HMOX2: variants seen among roughly 807,000 people sequenced by gnomAD.
The protein encoded by HMOX2 is heme oxygenase 2.
A neutral mutation model predicts 33.7 loss-of-function variants in HMOX2; 30 were observed. That is an observed-to-expected ratio of 0.89 (90% CI 0.67 to 1.21). HMOX2 has a LOEUF of 1.21. Among genes scored for constraint, HMOX2 ranks in the 50% most tolerant of loss-of-function variants. HMOX2 has a pLI of 0.00. For missense variants in HMOX2, 403 were observed against 399.1 expected, an observed-to-expected ratio of 1.01 and a Z score of -0.08; for synonymous variants, 155 against 155.0, an observed-to-expected ratio of 1.00 and a Z score of 0.00.
chr16:4,485,613 CCTT>C (rs1286544765), intron 1 of HMOX2, among the ~76,000 whole-genome samples: 1 of 152,122 alleles, frequency 6.6e-6, no homozygotes, highest in Non-Finnish European at 1.5e-5. Context: ...AAGAAGAAAC[CCTT>C]CTTAGAGCAC....
Position 4,509,435 on chromosome 16 carries a change from C to T in HMOX2, c.720C>T (p.Ala240=), listed in dbSNP as rs762315497. 26 of 1,613,860 alleles carry T rather than the reference C, an allele frequency of 1.6e-5. No individual in the cohort carries two copies. Among genetic ancestry groups the T allele is most frequent in the African/African-American group, 1.6e-4 (12 of 74,856 alleles). ...AGATATTCAATGAACTGGACCAGGC[C>T]GGCTCCACACTGGCCAGAGAGACCT... ...NMQIFNELDQ[A]GSTLARETLE... is the part of the protein sequence containing the mutation. The change falls in exon 5 of 6, where the codon GCC becomes GCT. Residue 240 remains alanine (A), a synonymous_variant. Transcript: ENST00000570646.
At chr16:4,502,338 A>G (rs898332502) in intron 1 of HMOX2, among the ~76,000 whole-genome samples, 4 of 152,244 alleles carry the variant, frequency 2.6e-5, no homozygotes, top group Non-Finnish European at 5.9e-5. Context: ...AGATTTAATC[A>G]CGTTCCCTAT....
intron 1 of HMOX2, among the ~76,000 whole-genome samples, chr16:4,485,647 T>A (rs1259577381): frequency 6.6e-6 from 1 of 152,122 alleles, no homozygotes; most frequent in African/African-American, 2.4e-5. Flanking sequence ...ACTGAAAACT[T>A]TACCCATAAA....
In HMOX2 at chr16:4,508,063, G is replaced by T. The variant is rs2404579; in HGVS notation, c.555G>T (p.Gln185His). The change falls in exon 4 of 6, where the codon CAG becomes CAT. Residue 185 changes from glutamine to histidine, a missense_variant. By Grantham distance (24) the Gln-to-His change is conservative. Transcript: ENST00000570646. The part of the protein sequence containing the change: ...LKLPSTGEGT[Q>H]FYLFENVDNA... ...TCCCCAGCACAGGGGAAGGGACCCA[G>T]TTCTACCTGTTTGAGAATGTGGACA... The T allele has an allele frequency of 1.5e-5, 24 of 1,614,040 alleles. No individual in the cohort carries two copies. Among genetic ancestry groups the T allele is most frequent in the Middle Eastern group, 1.6e-4 (1 of 6,084 alleles).
At chr16:4,506,844 G>A in intron 2 of HMOX2, 51 bp from the exon 3 acceptor site, 3 of 1,352,700 alleles carry the variant, frequency 2.2e-6, no homozygotes, top group Non-Finnish European at 3.2e-6. Context: ...GTCCTTTCTG[G>A]AAAGCTGGGA....
intron 1 of HMOX2, among the ~76,000 whole-genome samples, chr16:4,478,193 A>T (rs919622333): frequency 6.6e-6 from 1 of 152,158 alleles, no homozygotes; most frequent in Non-Finnish European, 1.5e-5. Context: ...CAACATGTTG[A>T]AGTGCTGTGA....
intron 1 of HMOX2, among the ~76,000 whole-genome samples, chr16:4,501,369 A>G (rs899495132): frequency 6.6e-6 from 1 of 152,144 alleles, no homozygotes; most frequent in Admixed American, 6.5e-5. Flanking sequence ...CCATGCATGA[A>G]CACAGCTTAT....
chr16:4,487,527 G>A (rs1161260293), intron 1 of HMOX2, among the ~76,000 whole-genome samples: 1 of 151,140 alleles, frequency 6.6e-6, no homozygotes, highest in East Asian at 1.9e-4. Flanking sequence ...AAAATTGCTG[G>A]GCGCAGTGGC....
At chr16:4,489,838 C>G (rs2058263316) in intron 1 of HMOX2, among the ~76,000 whole-genome samples, 1 of 152,120 alleles carries the variant, frequency 6.6e-6, no homozygotes, top group Admixed American at 6.6e-5. Flanking sequence ...TCTGAAACTC[C>G]TGGCCTCAGT....
At chr16:4,492,220 G>C (rs1366374220) in intron 1 of HMOX2, among the ~76,000 whole-genome samples, 1 of 151,852 alleles carries the variant, frequency 6.6e-6, no homozygotes, top group African/African-American at 2.4e-5. Flanking sequence ...TGTAGTCCTA[G>C]CTACTTGGAA....
intron 1 of HMOX2, among the ~76,000 whole-genome samples, chr16:4,476,853 G>A (rs2057862128): frequency 6.6e-6 from 1 of 152,224 alleles, no homozygotes. Context: ...GACCCCCGGG[G>A]TCGTAGCTGG....
At chr16:4,487,795 A>C (rs2058209094) in intron 1 of HMOX2, among the ~76,000 whole-genome samples, 2 of 149,096 alleles carry the variant, frequency 1.3e-5, no homozygotes, top group South Asian at 4.3e-4. Flanking sequence ...CTCAAAAAAA[A>C]AAAAAATTAG....
At chr16:4,492,596 G>C (rs2058330694) in intron 1 of HMOX2, among the ~76,000 whole-genome samples, 1 of 152,066 alleles carries the variant, frequency 6.6e-6, no homozygotes, top group Non-Finnish European at 1.5e-5. Context: ...GCACGTGCCT[G>C]TAATCCCTAC....
At position 4,507,779 on chromosome 16, in the gene HMOX2, C is replaced by G. The variant is rs1255996905; in HGVS notation, c.271C>G (p.His91Asp). Residue 91 changes from histidine to aspartate, a missense_variant, in exon 4 of 6, where the codon CAT (histidine) becomes GAT (aspartate). Transcript: ENST00000570646. ...GGAGGAAATGGAGCGCAACAAGGAC[C>G]ATCCAGCCTTTGCCCCTTTGTACTT... is the stretch of plus-strand genomic sequence containing the variant. ...LEEEMERNKD[H>D]PAFAPLYFPM... is the part of the protein sequence containing the mutation. The G allele has an allele frequency of 8.7e-6, 14 of 1,614,174 alleles. No homozygotes were observed. Among genetic ancestry groups the G allele is most frequent in the Non-Finnish European group, 1.1e-5 (13 of 1,180,024 alleles).
chr16:4,489,401 C>G (rs548313585), intron 1 of HMOX2, among the ~76,000 whole-genome samples: 3 of 152,166 alleles, frequency 2.0e-5, no homozygotes, highest in Admixed American at 6.6e-5. Context: ...TGATCCGCCT[C>G]AGCCTCGCGA....
chr16:4,505,410 A>C lies in HMOX2; in HGVS notation c.-41-74A>C, dbSNP rs2058664921. The C allele has an allele frequency of 1.0e-5, 7 of 682,396 alleles. No homozygotes were observed. In the South Asian group the frequency reaches 1.3e-4, roughly 13 times the overall value. The allele number at this position is 682,396 out of a possible 1,614,324, so 42.3% of individuals were successfully genotyped here. On this transcript the variant is annotated intron_variant, in intron 1 of 5. Coordinates refer to ENST00000570646, the MANE Select transcript of HMOX2 (RefSeq NM_002134.4). ...CACCTTGGTTACATTCGCTCTGAGG[A>C]AAGCAGAACCGACAGGTATTTGGGG...
chr16:4,505,223 AT>A (rs2058660980), intron 1 of HMOX2, among the ~76,000 whole-genome samples: 1 of 152,218 alleles, frequency 6.6e-6, no homozygotes, highest in Non-Finnish European at 1.5e-5. Flanking sequence ...ATTCTCTTAT[AT>A]AATCGCAGTA....
chr16:4,491,179 C>T (rs751951516), intron 1 of HMOX2, among the ~76,000 whole-genome samples: 4 of 152,164 alleles, frequency 2.6e-5, no homozygotes, highest in Non-Finnish European at 4.4e-5. Context: ...AGTAAATTTT[C>T]AGTTACCTAA....
intron 1 of HMOX2, among the ~76,000 whole-genome samples, chr16:4,477,182 A>T (rs1388303672): frequency 6.6e-6 from 1 of 152,036 alleles, no homozygotes; most frequent in Non-Finnish European, 1.5e-5. Context: ...TCTTTGCACG[A>T]GGCCTGCCTG....
Sources: gnomAD v4.1 joint callset for allele counts (sites outside exome capture counted in the v4.1 genomes callset) on GRCh38, gnomAD v4.1.1 for gene constraint, MANE v1.5 for transcripts, NCBI Gene and HGNC (gene_info 2026-07-23, HGNC 2026-07-21) for gene names.